The following LSAMP variants were observed in gnomAD, a reference collection of about 807,000 sequenced individuals.
The protein encoded by LSAMP is limbic system-associated membrane protein.
In LSAMP, 7 loss-of-function variants were observed where a neutral mutation model predicts 38.6. The ratio of observed to expected loss-of-function variants is 0.18; its 90% CI spans 0.10 to 0.34. The LOEUF (loss-of-function observed/expected upper bound fraction) is 0.34. LSAMP is among the 10% of genes least tolerant of loss of function. The pLI is 1.00. For missense variants in LSAMP, 313 were observed against 420.0 expected, an observed-to-expected ratio of 0.75 and a Z score of 2.23; for synonymous variants, 154 against 166.8, an observed-to-expected ratio of 0.92 and a Z score of 0.59.
At chr3:115,947,146 C>G (rs1938126205) in intron 3 of LSAMP, among the ~76,000 whole-genome samples, 1 of 152,042 alleles carries the variant, frequency 6.6e-6, no homozygotes, top group Non-Finnish European at 1.5e-5. Context: ...AAAGGAATTT[C>G]CACAATCTGA....
At chr3:116,064,893 G>A (rs534324879) in intron 2 of LSAMP, among the ~76,000 whole-genome samples, 2 of 152,300 alleles carry the variant, frequency 1.3e-5, no homozygotes, top group African/African-American at 4.8e-5. Flanking sequence ...ATGGTCTTAA[G>A]CCACTACGTA....
At chr3:116,268,835 C>A (rs940716513) in intron 1 of LSAMP, among the ~76,000 whole-genome samples, 4 of 151,914 alleles carry the variant, frequency 2.6e-5, no homozygotes, top group Admixed American at 2.0e-4. Flanking sequence ...GGTAAGAGGG[C>A]AGGGATTTTC....
chr3:115,882,176 T>C (rs1465464174), intron 3 of LSAMP, among the ~76,000 whole-genome samples: 1 of 152,130 alleles, frequency 6.6e-6, no homozygotes, highest in Non-Finnish European at 1.5e-5. Context: ...ACTTCTCTCC[T>C]GCTTATAGGT....
chr3:115,861,535 A>C (rs1308475042), intron 3 of LSAMP, among the ~76,000 whole-genome samples: 1 of 152,004 alleles, frequency 6.6e-6, no homozygotes, highest in Non-Finnish European at 1.5e-5. Flanking sequence ...TAGGAGAAGG[A>C]ATGTGGACCC....
chr3:116,412,632 A>C (rs2048994897), intron 1 of LSAMP, among the ~76,000 whole-genome samples: 1 of 152,136 alleles, frequency 6.6e-6, no homozygotes, highest in Non-Finnish European at 1.5e-5. Flanking sequence ...GCTTGGGTCG[A>C]AGAAAGCTGT....
intron 1 of LSAMP, among the ~76,000 whole-genome samples, chr3:116,249,763 A>T (rs182260329): frequency 1.1e-4 from 17 of 152,242 alleles, no homozygotes; most frequent in African/African-American, 3.9e-4. Flanking sequence ...CAGCAAAATC[A>T]ATAATAGACC....
rs537489542 is a variant in LSAMP at position 116,168,503 on chromosome 3, A to G, written c.156-81947T>C. Among the ~76,000 whole-genome samples the G allele has an allele frequency of 2.0e-4, 30 of 152,322 alleles. No homozygotes were observed. In the South Asian group the frequency reaches 4.4e-3, roughly 22 times the overall value. On this transcript the variant is annotated intron_variant, in intron 1 of 6. Transcript: ENST00000490035. ...ATAAAATTTTAATGAGATTATTTTG[A>G]TGTTTACAACCTCTAAGAATGTCCC...
chr3:115,818,792 A>ATT, intron 6 of LSAMP, among the ~76,000 whole-genome samples: 2 of 32,196 alleles, frequency 6.2e-5, no homozygotes, highest in Non-Finnish European at 1.3e-4. Context: ...TTGTACTTTT[A>ATT]TATATATATA....
In LSAMP at chr3:115,807,862, C is replaced by A. The variant is rs538068586; in HGVS notation, c.*2455G>T. 10 of 152,204 alleles carry A rather than the reference C, an allele frequency of 6.6e-5. No individual in the cohort carries two copies. Among genetic ancestry groups the A allele is most frequent in the Admixed American group, 2.6e-4 (4 of 15,288 alleles). The allele number at this position is 152,204 out of a possible 1,614,324, so 9.4% of individuals were successfully genotyped here. On this transcript the variant is annotated 3_prime_UTR_variant, in exon 7 of 7. Coordinates refer to ENST00000490035, the MANE Select transcript of LSAMP (RefSeq NM_002338.5). Reference sequence around the variant, plus strand: ...CACCTTCCCTATATTTTACTAGCTACCTTCTTGGATGAGAATTTGTTTTCT... The same window carrying A: ...CACCTTCCCTATATTTTACTAGCTAACTTCTTGGATGAGAATTTGTTTTCT...
intron 1 of LSAMP, among the ~76,000 whole-genome samples, chr3:116,197,936 A>G (rs927510191): frequency 2.7e-5 from 4 of 149,984 alleles, no homozygotes; most frequent in African/African-American, 9.8e-5. Flanking sequence ...TGGAACATAA[A>G]GGATAAATCC....
chr3:115,853,953 A>T (rs1935413103), intron 3 of LSAMP, among the ~76,000 whole-genome samples: 1 of 152,198 alleles, frequency 6.6e-6, no homozygotes, highest in African/African-American at 2.4e-5. Context: ...CGTAACAGAC[A>T]GTTAGCAAGG....
At chr3:116,078,615 T>C (rs539145539) in intron 2 of LSAMP, among the ~76,000 whole-genome samples, 103 of 152,312 alleles carry the variant, frequency 6.8e-4, no homozygotes, top group African/African-American at 2.5e-3. Flanking sequence ...CGTGAGCCAC[T>C]GCACCCGGCC....
intron 1 of LSAMP, among the ~76,000 whole-genome samples, chr3:116,164,755 T>TAATCCAA (rs1559766416): frequency 1.8e-5 from 1 of 56,152 alleles, no homozygotes; most frequent in African/African-American, 5.3e-5. Flanking sequence ...TATATATATA[T>TAATCCAA]ATATATTTTT....
intron 3 of LSAMP, among the ~76,000 whole-genome samples, chr3:115,997,579 G>T (rs1278942537): frequency 6.6e-6 from 1 of 150,974 alleles, no homozygotes; most frequent in Admixed American, 6.6e-5. Flanking sequence ...AGGAGGTACA[G>T]TACAGAAGGC....
At chr3:116,000,590 A>AT (rs1329835279) in intron 3 of LSAMP, among the ~76,000 whole-genome samples, 13 of 152,204 alleles carry the variant, frequency 8.5e-5, no homozygotes, top group Admixed American at 8.5e-4. Flanking sequence ...TAGCTTATTC[A>AT]TTCACTGAGT....
At chr3:116,068,843 G>T (rs1456461132) in intron 2 of LSAMP, among the ~76,000 whole-genome samples, 1 of 152,180 alleles carries the variant, frequency 6.6e-6, no homozygotes, top group Non-Finnish European at 1.5e-5. Flanking sequence ...TGTACACTCT[G>T]GGAGCTTGCA....
At chr3:115,888,880 T>C (rs1936522983) in intron 3 of LSAMP, among the ~76,000 whole-genome samples, 1 of 151,936 alleles carries the variant, frequency 6.6e-6, no homozygotes, top group Non-Finnish European at 1.5e-5. Flanking sequence ...CTATTCTAAG[T>C]CTGTGGCTAG....
rs372664988 is a variant in LSAMP at position 116,236,615 on chromosome 3, C to A, written c.156-150059G>T. Among the ~76,000 whole-genome samples, 3 of 151,974 alleles carry A rather than the reference C, an allele frequency of 2.0e-5. No homozygotes were observed. The South Asian group carries it at 6.2e-4, about 32-fold the overall frequency. ...TTAGGTAAAATAACAAGTATCCTAA[C>A]CAAGATCATAAGAAGACAGCAAATG... is the stretch of plus-strand genomic sequence containing the variant. On this transcript the variant is annotated intron_variant, in intron 1 of 6. Coordinates refer to ENST00000490035, the MANE Select transcript of LSAMP (RefSeq NM_002338.5).
At chr3:116,077,101 A>G (rs543609349) in intron 2 of LSAMP, among the ~76,000 whole-genome samples, 1 of 150,488 alleles carries the variant, frequency 6.6e-6, no homozygotes, top group East Asian at 1.9e-4. Context: ...TATTGTTAAT[A>G]TATTTGCTTA....
Sources: allele counts gnomAD v4.1 joint callset (sites outside exome capture counted in the v4.1 genomes callset), GRCh38; gene constraint gnomAD v4.1.1; transcripts MANE v1.5; gene names NCBI Gene and HGNC (gene_info 2026-07-23, HGNC 2026-07-21).